DESI2: variants seen among roughly 807,000 people sequenced by gnomAD.
DESI2 encodes the protein desumoylating isopeptidase 2, also known as deubiquitinase DESI2.
Under a neutral mutation model 24.1 loss-of-function variants are expected in DESI2, and 10 were observed. That is an observed-to-expected ratio of 0.41 (90% CI 0.26 to 0.70). DESI2 has a LOEUF of 0.70. DESI2 is among the 30% of genes least tolerant of loss of function. The pLI is 0.29. For missense variants in DESI2, 122 were observed against 234.9 expected (o/e 0.52, Z 3.14); for synonymous variants, 71 against 87.7 (o/e 0.81, Z 1.06).
chr1:244,704,484 C>T (rs1346936198), intron 4 of DESI2, among the ~76,000 whole-genome samples: 2 of 152,146 alleles, frequency 1.3e-5, no homozygotes, highest in African/African-American at 4.8e-5. Flanking sequence ...AGTATAAGGA[C>T]AGGAAGTGGG....
chr1:244,654,159 C>A, intron 1 of DESI2: 1 of 381,970 alleles, frequency 2.6e-6, no homozygotes, highest in South Asian at 2.0e-5. Flanking sequence ...CAGTGAAATG[C>A]CCCCAGAAAA....
intron 1 of DESI2, among the ~76,000 whole-genome samples, chr1:244,664,665 T>G (rs1477509997): frequency 1.3e-5 from 2 of 152,206 alleles, no homozygotes; most frequent in Non-Finnish European, 2.9e-5. Context: ...GCCACTGCAC[T>G]CAGTCTGGGC....
chr1:244,686,714 CTT>C, intron 2 of DESI2, 45 bp downstream of exon 2: 1 of 1,309,684 alleles, frequency 7.6e-7, no homozygotes, highest in East Asian at 2.3e-5. Context: ...AGATTTTGTA[CTT>C]TAAAAGAGTT....
chr1:244,677,238 A>G lies in DESI2; in HGVS notation c.43-9359A>G, dbSNP rs138934091. ...TAAATTACTAGTTCATTCTTTTCTCATTAGAGGTTATTTAGATTTTCTGTA... is the reference window on the plus strand; with the variant it reads ...TAAATTACTAGTTCATTCTTTTCTCGTTAGAGGTTATTTAGATTTTCTGTA... On this transcript the variant is annotated intron_variant, in intron 1 of 4. Coordinates refer to ENST00000302550, the MANE Select transcript of DESI2 (RefSeq NM_016076.5). 1.4e-3 allele frequency among the ~76,000 whole-genome samples: 210 copies of G among 152,166 alleles called. 1 individual carries two copies. Among genetic ancestry groups the G allele is most frequent in the African/African-American group, 4.8e-3 (198 of 41,526 alleles).
At chr1:244,656,663 C>G (rs903575789) in intron 1 of DESI2, 1 of 152,066 alleles carries the variant, frequency 6.6e-6, no homozygotes, top group Non-Finnish European at 1.5e-5. Flanking sequence ...TTTCATAGAT[C>G]CAGATTTTGT....
chr1:244,666,696 A>AT (rs1409293389), intron 1 of DESI2, among the ~76,000 whole-genome samples: 1 of 152,122 alleles, frequency 6.6e-6, no homozygotes, highest in Non-Finnish European at 1.5e-5. Flanking sequence ...AGCAATAAGG[A>AT]TTTTTTAAGT....
At chr1:244,699,337 G>A (rs908024825) in intron 4 of DESI2, among the ~76,000 whole-genome samples, 6 of 151,830 alleles carry the variant, frequency 4.0e-5, no homozygotes, top group African/African-American at 7.3e-5. Flanking sequence ...TAATCCCAAC[G>A]CTTTAGGAGG....
chr1:244,683,490 T>A (rs1221555791), intron 1 of DESI2, among the ~76,000 whole-genome samples: 1 of 151,962 alleles, frequency 6.6e-6, no homozygotes, highest in African/African-American at 2.4e-5. Context: ...TTTTTGTATT[T>A]TCAGTAGAGA....
intron 1 of DESI2, among the ~76,000 whole-genome samples, chr1:244,669,670 C>G (rs1286495176): frequency 6.6e-6 from 1 of 152,034 alleles, no homozygotes; most frequent in Non-Finnish European, 1.5e-5. Flanking sequence ...AGGAGCGAAA[C>G]TCCATCTCAA....
intron 1 of DESI2, among the ~76,000 whole-genome samples, chr1:244,657,575 A>C (rs1298969433): frequency 6.6e-6 from 1 of 152,192 alleles, no homozygotes; most frequent in Non-Finnish European, 1.5e-5. Flanking sequence ...AGAGAGCTTG[A>C]GAGTCAGTGG....
chr1:244,674,182 A>T (rs1000409028), intron 1 of DESI2, among the ~76,000 whole-genome samples: 3 of 151,890 alleles, frequency 2.0e-5, no homozygotes, highest in Admixed American at 2.0e-4. Flanking sequence ...TAATTTTTGT[A>T]GAAACGGGGT....
At chr1:244,679,602 G>A (rs1322162653) in intron 1 of DESI2, among the ~76,000 whole-genome samples, 1 of 152,166 alleles carries the variant, frequency 6.6e-6, no homozygotes, top group Non-Finnish European at 1.5e-5. Flanking sequence ...TTGGCGTGTT[G>A]GCTCACGCCT....
intron 1 of DESI2, among the ~76,000 whole-genome samples, chr1:244,665,653 A>G (rs559613494): frequency 1.3e-5 from 2 of 152,222 alleles, no homozygotes; most frequent in Non-Finnish European, 2.9e-5. Context: ...GAGTAAAGAA[A>G]TTACCCTTCA....
intron 1 of DESI2, chr1:244,653,853 G>A: frequency 2.2e-6 from 1 of 451,884 alleles, no homozygotes; most frequent in Admixed American, 2.5e-5. Flanking sequence ...TCGGGTGCCT[G>A]TGCTAGAATC....
chr1:244,705,468 C>G, intron 4 of DESI2, 88 bp from the exon 5 acceptor site: 1 of 1,123,348 alleles, frequency 8.9e-7, no homozygotes, highest in East Asian at 2.4e-5. Context: ...CTGTACGCCG[C>G]CCCCCTCCTC....
At chr1:244,665,437 C>T (rs919375084) in intron 1 of DESI2, among the ~76,000 whole-genome samples, 2 of 152,172 alleles carry the variant, frequency 1.3e-5, no homozygotes, top group Admixed American at 6.5e-5. Flanking sequence ...ACACCCCTCC[C>T]TGAACTAACT....
intron 1 of DESI2, among the ~76,000 whole-genome samples, chr1:244,674,321 CTTTTT>C (rs35687515): frequency 6.8e-6 from 1 of 147,492 alleles, no homozygotes. Flanking sequence ...TCATAACGGT[CTTTTT>C]TTTTTTTAAC....
intron 1 of DESI2, among the ~76,000 whole-genome samples, chr1:244,682,588 A>T (rs1676657182): frequency 6.6e-6 from 1 of 152,194 alleles, no homozygotes; most frequent in African/African-American, 2.4e-5. Flanking sequence ...AAAAAAATAG[A>T]TATTTGCATA....
Position 244,706,361 on chromosome 1 carries a change from G to A in DESI2, c.*572G>A, listed in dbSNP as rs1175904636. 1.3e-5 allele frequency: 2 copies of A among 154,926 alleles called. No homozygotes were observed. The highest frequency in any genetic ancestry group is 2.4e-5 in the African/African-American group (1 of 41,446). 9.6% of individuals were successfully genotyped at this position (154,926 alleles called of 1,614,324 possible). The stretch of plus-strand genomic sequence containing the variant: ...CACAGCCCTGAGGGCTTGGAACCCT[G>A]GGTCCAGTTCCTCTTCACACCCCCT... On this transcript the variant is annotated 3_prime_UTR_variant, in exon 5 of 5. Coordinates refer to ENST00000302550, the MANE Select transcript of DESI2 (RefSeq NM_016076.5).
Sources: gnomAD v4.1 joint callset for allele counts (sites outside exome capture counted in the v4.1 genomes callset) on GRCh38, gnomAD v4.1.1 for gene constraint, MANE v1.5 for transcripts, NCBI Gene and HGNC (gene_info 2026-07-23, HGNC 2026-07-21) for gene names.